Variants in CDH13 observed in about 807,000 individuals in gnomAD.
CDH13 encodes the protein cadherin-13.
A neutral mutation model predicts 63.8 loss-of-function variants in CDH13; 24 were observed. That is an observed-to-expected ratio of 0.38 (90% CI 0.27 to 0.53). CDH13 has a LOEUF of 0.53. CDH13 is among the 20% of genes least tolerant of loss of function. The pLI, the probability that CDH13 is intolerant of heterozygous loss-of-function variation, is 0.85. For synonymous variants in CDH13, 503 were observed against 355.3 expected (o/e 1.42, Z -4.67); for missense variants, 1,049 against 903.1 (o/e 1.16, Z -2.07).
At chr16:83,763,788 C>G (rs530229251) in intron 11 of CDH13, among the ~76,000 whole-genome samples, 74 of 152,276 alleles carry the variant, frequency 4.9e-4, no homozygotes, top group African/African-American at 1.7e-3. Flanking sequence ...GTTGAAAATA[C>G]TACCTACAGT....
At chr16:82,711,497 G>C (rs1271681683) in intron 1 of CDH13, among the ~76,000 whole-genome samples, 1 of 152,136 alleles carries the variant, frequency 6.6e-6, no homozygotes, top group Non-Finnish European at 1.5e-5. Context: ...AGGCATGTGG[G>C]TTCAAGAGGT....
intron 1 of CDH13, among the ~76,000 whole-genome samples, chr16:82,781,551 A>G (rs2035755037): frequency 6.6e-6 from 1 of 151,938 alleles, no homozygotes; most frequent in African/African-American, 2.4e-5. Flanking sequence ...CCAGCTATTT[A>G]TCTATCATCC....
intron 1 of CDH13, among the ~76,000 whole-genome samples, chr16:82,635,456 G>A (rs111889679): frequency 4.6e-5 from 7 of 152,346 alleles, no homozygotes; most frequent in African/African-American, 1.4e-4. Flanking sequence ...GATGTGAAGT[G>A]TGGCTGGGAG....
intron 2 of CDH13, among the ~76,000 whole-genome samples, chr16:82,912,915 C>T (rs2041877126): frequency 1.3e-5 from 2 of 151,136 alleles, no homozygotes; most frequent in Admixed American, 6.6e-5. Flanking sequence ...TGCACTCCAG[C>T]CTGGGTGACA....
chr16:82,842,161 TATACAC>T (rs1567590679), intron 1 of CDH13, among the ~76,000 whole-genome samples: 4 of 24,218 alleles, frequency 1.7e-4, no homozygotes, highest in Non-Finnish European at 2.5e-4. Flanking sequence ...TATATATATA[TATACAC>T]ACACACACAT....
At position 82,924,508 on chromosome 16, in the gene CDH13, A is replaced by C. The variant is rs1225481998; in HGVS notation, c.157+66035A>C. The stretch of plus-strand genomic sequence containing the variant: ...CAGCTGCGGTGCATTTGTGGCTTTT[A>C]TTTCTGCACTGCCGCTTGTTACTTG... On this transcript the variant is annotated intron_variant, in intron 2 of 13. Coordinates refer to ENST00000567109, the MANE Select transcript of CDH13 (RefSeq NM_001257.5). Among the ~76,000 whole-genome samples, 3 of 152,058 alleles carry C rather than the reference A, an allele frequency of 2.0e-5. No individual in the cohort carries two copies. The East Asian group carries it at 5.8e-4, about 29-fold the overall frequency.
At chr16:83,021,462 A>G (rs1054962404) in intron 2 of CDH13, among the ~76,000 whole-genome samples, 1 of 152,346 alleles carries the variant, frequency 6.6e-6, no homozygotes, top group African/African-American at 2.4e-5. Context: ...TACAAAACAA[A>G]GATTCAAAGC....
At chr16:83,253,716 C>A (rs1252544965) in intron 5 of CDH13, among the ~76,000 whole-genome samples, 1 of 152,206 alleles carries the variant, frequency 6.6e-6, no homozygotes, top group Non-Finnish European at 1.5e-5. Flanking sequence ...CATGCTTAGA[C>A]AGGGGCTGGC....
chr16:83,421,177 C>T (rs756943830), intron 6 of CDH13, among the ~76,000 whole-genome samples: 1 of 152,220 alleles, frequency 6.6e-6, no homozygotes, highest in Middle Eastern at 3.4e-3. Context: ...TGGCATAAGT[C>T]TAGAACCCTT....
chr16:83,297,324 A>G (rs189247021), intron 5 of CDH13, among the ~76,000 whole-genome samples: 2 of 152,342 alleles, frequency 1.3e-5, no homozygotes. Context: ...ACATGTACCA[A>G]AAGCTCACAT....
intron 8 of CDH13, among the ~76,000 whole-genome samples, chr16:83,657,017 G>A (rs1021636112): frequency 6.6e-6 from 1 of 152,124 alleles, no homozygotes; most frequent in Non-Finnish European, 1.5e-5. Context: ...TTGCACTTCA[G>A]GTACAGTAAA....
chr16:82,972,917 C>T (rs559352710), intron 2 of CDH13, among the ~76,000 whole-genome samples: 7 of 152,262 alleles, frequency 4.6e-5, no homozygotes, highest in South Asian at 2.1e-4. Context: ...AATGAACCCT[C>T]GTAGGCGTCT....
chr16:82,813,876 C>G (rs756552857), intron 1 of CDH13, among the ~76,000 whole-genome samples: 1 of 152,150 alleles, frequency 6.6e-6, no homozygotes, highest in African/African-American at 2.4e-5. Flanking sequence ...ATTGTGGGAC[C>G]TTGAACAAGT....
intron 1 of CDH13, among the ~76,000 whole-genome samples, chr16:82,794,902 T>G (rs886588371): frequency 6.6e-6 from 1 of 152,188 alleles, no homozygotes; most frequent in Non-Finnish European, 1.5e-5. Context: ...AAGCAACTTG[T>G]TTCCAAGATT....
chr16:83,389,352 C>G (rs1435097363), intron 6 of CDH13, among the ~76,000 whole-genome samples: 6 of 151,924 alleles, frequency 3.9e-5, no homozygotes, highest in Non-Finnish European at 7.4e-5. Context: ...GAGATCGTAC[C>G]ATAACGTTAT....
At chr16:83,163,473 C>T (rs372968899) in intron 4 of CDH13, among the ~76,000 whole-genome samples, 6 of 152,086 alleles carry the variant, frequency 3.9e-5, no homozygotes, top group African/African-American at 9.7e-5. Context: ...CCAGGCCAGA[C>T]GCTCATCACC....
At chr16:83,568,568 C>T (rs1001726260) in intron 7 of CDH13, among the ~76,000 whole-genome samples, 24 of 152,142 alleles carry the variant, frequency 1.6e-4, no homozygotes, top group African/African-American at 5.8e-4. Flanking sequence ...GTTAACCCAA[C>T]GGAGTAAATC....
chr16:82,865,950 C>G (rs1567613355), intron 2 of CDH13, among the ~76,000 whole-genome samples: 1 of 152,198 alleles, frequency 6.6e-6, no homozygotes, highest in Non-Finnish European at 1.5e-5. Context: ...CCATGTCATG[C>G]TTGAACACTT....
chr16:83,779,977 C>CCGCTA lies in CDH13; in HGVS notation c.1694_1698dup (p.Gly567LeufsTer8). 6.2e-7 allele frequency: 1 copy of CCGCTA among 1,607,600 alleles called. No individual in the cohort carries two copies. Among genetic ancestry groups the CCGCTA allele is most frequent in the Non-Finnish European group, 8.5e-7 (1 of 1,174,510 alleles). On this transcript the variant is annotated frameshift_variant, in exon 12 of 14. Coordinates refer to ENST00000567109, the MANE Select transcript of CDH13 (RefSeq NM_001257.5). LOFTEE classifies it high-confidence loss of function. ...TCCCTTTTTCCCACAGGCAACCCTCCCGCTACGGGCACTGGGACTTTGCTG... is the reference window on the plus strand; with the variant it reads ...TCCCTTTTTCCCACAGGCAACCCTCCCGCTACGCTACGGGCACTGGGACTTTGCTG...
Sources: gnomAD v4.1 joint callset for allele counts (sites outside exome capture counted in the v4.1 genomes callset) on GRCh38, gnomAD v4.1.1 for gene constraint, MANE v1.5 for transcripts, NCBI Gene and HGNC (gene_info 2026-07-23, HGNC 2026-07-21) for gene names.